The following SETX variants were observed in gnomAD, a reference collection of about 807,000 sequenced individuals.
SETX encodes the protein senataxin.
A neutral mutation model predicts 227.2 loss-of-function variants in SETX; 90 were observed. The ratio of observed to expected loss-of-function variants is 0.40; its 90% CI spans 0.33 to 0.47. SETX has a LOEUF of 0.47. SETX is among the 20% of genes least tolerant of loss of function. The pLI is 0.91. For synonymous variants in SETX, 1,210 were observed against 1,113.2 expected (o/e 1.09, Z -1.73); for missense variants, 3,052 against 3,181.5 (o/e 0.96, Z 0.98).
intron 10 of SETX, among the ~76,000 whole-genome samples, 166 bp downstream of exon 10, chr9:132,326,158 C>G (rs1397862349): frequency 6.6e-6 from 1 of 151,846 alleles, no homozygotes; most frequent in Non-Finnish European, 1.5e-5. Flanking sequence ...ACCTCCGCCT[C>G]CTGGGTTTAA....
chr9:132,285,341 G>A (rs1188064213), intron 18 of SETX, among the ~76,000 whole-genome samples: 1 of 152,132 alleles, frequency 6.6e-6, no homozygotes, highest in Non-Finnish European at 1.5e-5. Context: ...CTTAGATGGT[G>A]GTAAGAATTC....
rs747013782 is a variant in SETX at position 132,326,918 on chromosome 9, G to A, written c.4680C>T (p.Asn1560=). 1.1e-5 allele frequency: 17 copies of A among 1,614,004 alleles called. No homozygotes were observed. The South Asian group carries it at 1.8e-4, about 17-fold the overall frequency. ...KYKDCLETTK[N]QGEYCPKHSE... is the part of the protein sequence containing the mutation. ...AGTGTTTTGGGCAGTATTCACCCTG[G>A]TTTTTTGTGGTTTCAAGACAATCTT... Residue 1560 remains asparagine, a synonymous_variant, in exon 10 of 26, where the codon AAC becomes AAT. Transcript: ENST00000224140.
chr9:132,291,156 A>G (rs1229587799), intron 15 of SETX, among the ~76,000 whole-genome samples: 2 of 148,636 alleles, frequency 1.3e-5, no homozygotes, highest in East Asian at 4.0e-4. Context: ...AGGGTTTGAA[A>G]ACCTTTTTTT....
intron 6 of SETX, 87 bp downstream of exon 6, chr9:132,336,209 C>A: frequency 8.6e-7 from 1 of 1,162,302 alleles, no homozygotes; most frequent in East Asian, 2.5e-5. Context: ...TGCCACTGCA[C>A]TCCAGCCTGG....
intron 12 of SETX, among the ~76,000 whole-genome samples, chr9:132,300,130 C>CAAAAAAAA (rs72582907): frequency 4.2e-5 from 2 of 47,206 alleles, no homozygotes; most frequent in Non-Finnish European, 8.9e-5. Context: ...AACTCCGTCT[C>CAAAAAAAA]AAAAAAAAAA....
intron 18 of SETX, among the ~76,000 whole-genome samples, chr9:132,283,931 C>G (rs899005665): frequency 6.6e-6 from 1 of 152,150 alleles, no homozygotes; most frequent in Non-Finnish European, 1.5e-5. Flanking sequence ...AGTCTGGTCT[C>G]CCTCTCTAAC....
In SETX at chr9:132,342,713, A is replaced by G; in HGVS notation, c.475T>C (p.Phe159Leu). 1.2e-6 allele frequency: 2 copies of G among 1,613,696 alleles called. No individual in the cohort carries two copies. The highest frequency in any genetic ancestry group is 2.2e-5 in the South Asian group (2 of 91,074). Residue 159 changes from phenylalanine (F) to leucine (L), a missense_variant, in exon 5 of 26, where the codon TTT (phenylalanine) becomes CTT (leucine). Around this residue, in one of 10 missense-constraint regions of SETX, gnomAD observed 239 missense variants for 240.8 expected, o/e 0.99. Transcript: ENST00000224140. ...VFDKHPGIYLFLVHPNEMVRR... is the reference protein window; with the variant it reads ...VFDKHPGIYLLLVHPNEMVRR... The stretch of plus-strand genomic sequence containing the variant: ...ACCATTTCATTGGGATGGACTAAAA[A>G]CAAATAGATCCCTGGATGTTTATCA...
At chr9:132,350,366 AG>A (rs1848540974) in intron 2 of SETX, among the ~76,000 whole-genome samples, 1 of 152,150 alleles carries the variant, frequency 6.6e-6, no homozygotes, top group South Asian at 2.1e-4. Flanking sequence ...AACAAACAAA[AG>A]AAACCTAAGT....
chr9:132,269,837 G>C, intron 24 of SETX, 135 bp from the exon 25 acceptor site: 2 of 859,598 alleles, frequency 2.3e-6, no homozygotes, highest in Non-Finnish European at 3.9e-6. Context: ...CAGTGAGCCC[G>C]AGACACAGGT....
At chr9:132,336,214 G>T in intron 6 of SETX, 82 bp downstream of exon 6, 2 of 1,135,204 alleles carry the variant, frequency 1.8e-6, no homozygotes, top group Non-Finnish European at 2.5e-6. Context: ...CTGCACTCCA[G>T]CCTGGGCAAC....
intron 5 of SETX, among the ~76,000 whole-genome samples, chr9:132,337,989 GAGA>G (rs571305112): frequency 7.9e-5 from 12 of 152,122 alleles, no homozygotes; most frequent in African/African-American, 2.9e-4. Context: ...ATGACAAGCT[GAGA>G]AGGACAGTAA....
At position 132,329,638 on chromosome 9, in the gene SETX, C is replaced by A; in HGVS notation, c.1960G>T (p.Asp654Tyr). The A allele has an allele frequency of 1.2e-6, 2 of 1,613,796 alleles. No homozygotes were observed. Among genetic ancestry groups the A allele is most frequent in the South Asian group, 2.2e-5 (2 of 91,020 alleles). The change falls in exon 10 of 26, where the codon GAC (aspartate) becomes TAC (tyrosine). Residue 654 changes from aspartate to tyrosine, a missense_variant. Asp to Tyr is a radical substitution (Grantham distance 160). This residue lies in a region of SETX where 1,483 missense variants were observed against 1,312.0 expected (regional missense o/e 1.13). Coordinates refer to ENST00000224140, the MANE Select transcript of SETX (RefSeq NM_015046.7). ...TTATCTGCTTTGATCAATACACTGT[C>A]TTGCACTTTCATTGGTTCTTTAGAA... The part of the protein sequence containing the change: ...TFSKEPMKVQ[D>Y]SVLIKADNTI...
At chr9:132,336,564 A>C in intron 5 of SETX, 49 bp from the exon 6 acceptor site, 1 of 1,292,758 alleles carries the variant, frequency 7.7e-7, no homozygotes, top group Non-Finnish European at 1.1e-6. Flanking sequence ...AATGGTCTAC[A>C]AACAGCAAGA....
In SETX at chr9:132,330,077, T is replaced by C; in HGVS notation, c.1521A>G (p.Ser507=). The C allele has an allele frequency of 6.2e-7, 1 of 1,614,268 alleles. No individual in the cohort carries two copies. The highest frequency in any genetic ancestry group is 8.5e-7 in the Non-Finnish European group (1 of 1,180,034). ...CTGTTCCTTTGGAGCAATTTCCAGATGATTTCTCAGAACTCCGTGTAAACG... is the reference window on the plus strand; with the variant it reads ...CTGTTCCTTTGGAGCAATTTCCAGACGATTTCTCAGAACTCCGTGTAAACG... ...TTAFTRSSEK[S]SGNCSKGTAM... is the part of the protein sequence containing the mutation. The change falls in exon 10 of 26, where the codon TCA becomes TCG. Residue 507 remains serine, a synonymous_variant. Transcript: ENST00000224140.
Position 132,299,582 on chromosome 9 carries a change from A to T in SETX, c.5548+1048T>A, listed in dbSNP as rs1018434197. Among the ~76,000 whole-genome samples, 20 of 152,228 alleles carry T rather than the reference A, an allele frequency of 1.3e-4. 1 individual carries two copies. Among genetic ancestry groups the T allele is most frequent in the East Asian group, 7.7e-4 (4 of 5,204 alleles). ...TATATTAATATATCATGCAAAAAGG[A>T]GAAGGAATAATGAAATAATGTTCTT... On this transcript the variant is annotated intron_variant, in intron 12 of 25. Coordinates refer to ENST00000224140, the MANE Select transcript of SETX (RefSeq NM_015046.7).
chr9:132,294,436 G>A (rs772259227), intron 15 of SETX, among the ~76,000 whole-genome samples: 2 of 152,220 alleles, frequency 1.3e-5, no homozygotes, highest in Non-Finnish European at 2.9e-5. Context: ...ATGAGTGACT[G>A]CAGCTATTCA....
chr9:132,322,485 C>A (rs1204393131), intron 10 of SETX, among the ~76,000 whole-genome samples: 1 of 152,146 alleles, frequency 6.6e-6, no homozygotes, highest in Non-Finnish European at 1.5e-5. Context: ...TAATATGTGA[C>A]CTTCTGTCCC....
At chr9:132,354,119 G>C (rs982049579) in intron 1 of SETX, among the ~76,000 whole-genome samples, 4 of 152,192 alleles carry the variant, frequency 2.6e-5, no homozygotes, top group Non-Finnish European at 5.9e-5. Context: ...CGTTTCACTT[G>C]GGTCGTGCAA....
At chr9:132,354,243 G>A (rs1589800811) in intron 1 of SETX, among the ~76,000 whole-genome samples, 1 of 152,166 alleles carries the variant, frequency 6.6e-6, no homozygotes, top group African/African-American at 2.4e-5. Flanking sequence ...TCCTCCAAAC[G>A]AAGGGACCGG....
Sources: gnomAD v4.1 joint callset for allele counts (sites outside exome capture counted in the v4.1 genomes callset) on GRCh38, gnomAD v4.1.1 for gene constraint, gnomAD v4.1.1 regional missense constraint, MANE v1.5 for transcripts, NCBI Gene and HGNC (gene_info 2026-07-23, HGNC 2026-07-21) for gene names.